The following DLG2 variants were observed in gnomAD, a reference collection of about 807,000 sequenced individuals.
DLG2 encodes the protein discs large MAGUK scaffold protein 2, also known as disks large homolog 2.
In DLG2, 45 loss-of-function variants were observed where a neutral mutation model predicts 132.5. The ratio of observed to expected loss-of-function variants is 0.34; its 90% CI spans 0.27 to 0.44. The LOEUF is 0.44. Among genes scored for constraint, DLG2 ranks in the 20% least tolerant of loss-of-function variants. DLG2 has a pLI of 1.00. For missense variants in DLG2, 1,045 were observed against 1,196.9 expected (o/e 0.87, Z 1.87); for synonymous variants, 424 against 419.6 (o/e 1.01, Z -0.13).
At chr11:83,459,953 T>G in intron 27 of DLG2, 29 bp from the exon 28 acceptor site, 1 of 1,263,262 alleles carries the variant, frequency 7.9e-7, no homozygotes, top group Non-Finnish European at 1.2e-6. Context: ...CACCCAGAAT[T>G]AGAAATAATT....
intron 8 of DLG2, among the ~76,000 whole-genome samples, chr11:84,166,500 C>CAAAAAAAAAAAAAAAAAAA (rs398016937): frequency 1.2e-5 from 1 of 81,010 alleles, no homozygotes; most frequent in African/African-American, 4.8e-5. Flanking sequence ...GACTCTGCTT[C>CAAAAAAAAAAAAAAAAAAA]AAAAAAAAAA....
intron 11 of DLG2, among the ~76,000 whole-genome samples, chr11:84,046,152 T>C (rs1478414874): frequency 6.6e-6 from 1 of 151,660 alleles, no homozygotes; most frequent in Non-Finnish European, 1.5e-5. Flanking sequence ...CTGTGACCAC[T>C]ATTTCCTTTG....
At chr11:84,445,152 C>A (rs562840621) in intron 7 of DLG2, among the ~76,000 whole-genome samples, 1 of 152,244 alleles carries the variant, frequency 6.6e-6, no homozygotes, top group Admixed American at 6.5e-5. Flanking sequence ...ATAGTAGTTA[C>A]ATTCCCCACC....
Position 83,456,119 on chromosome 11 carries a change from G to A in DLG2, c.*3699C>T, listed in dbSNP as rs1049559515. On this transcript the variant is annotated 3_prime_UTR_variant, in exon 28 of 28. Transcript: ENST00000376104. ...GCATGGCTTCAATGAGGAGGAAGAG[G>A]TTTGCTATCAGAATAATTGGGGCCA... 12 of 152,822 alleles carry A rather than the reference G, an allele frequency of 7.9e-5. No homozygotes were observed. The highest frequency in any genetic ancestry group is 2.9e-4 in the African/African-American group (12 of 41,576). 9.5% of individuals were successfully genotyped at this position (152,822 alleles called of 1,614,324 possible).
chr11:84,296,393 G>A (rs2098089106), intron 7 of DLG2, among the ~76,000 whole-genome samples: 1 of 152,132 alleles, frequency 6.6e-6, no homozygotes, highest in Non-Finnish European at 1.5e-5. Context: ...ACGTTTGGAG[G>A]AGTTGTTAAT....
At chr11:84,893,355 C>T (rs763370852) in intron 6 of DLG2, among the ~76,000 whole-genome samples, 13 of 152,136 alleles carry the variant, frequency 8.5e-5, no homozygotes, top group Admixed American at 2.6e-4. Flanking sequence ...ACCATCTCTG[C>T]GGGTGTGTGT....
At chr11:84,662,416 C>T (rs944231884) in intron 6 of DLG2, among the ~76,000 whole-genome samples, 2 of 151,324 alleles carry the variant, frequency 1.3e-5, no homozygotes, top group Admixed American at 6.6e-5. Flanking sequence ...CTCAGGTGAT[C>T]GGCCCACCTC....
chr11:83,690,130 A>G (rs929611152), intron 18 of DLG2, among the ~76,000 whole-genome samples: 2 of 150,052 alleles, frequency 1.3e-5, no homozygotes, highest in African/African-American at 4.9e-5. Flanking sequence ...ACATATAACA[A>G]AACAGAAATT....
chr11:84,909,538 A>G (rs1441922508), intron 6 of DLG2, among the ~76,000 whole-genome samples: 2 of 152,194 alleles, frequency 1.3e-5, no homozygotes, highest in African/African-American at 4.8e-5. Context: ...AGAAATTTCT[A>G]GCATGCAAAA....
intron 4 of DLG2, among the ~76,000 whole-genome samples, chr11:85,278,761 C>G (rs1364822272): frequency 6.6e-6 from 1 of 152,130 alleles, no homozygotes; most frequent in East Asian, 1.9e-4. Context: ...AGCTATGAAA[C>G]CATCTCTAGT....
chr11:84,162,425 T>C (rs2095567220), intron 9 of DLG2, among the ~76,000 whole-genome samples: 1 of 151,902 alleles, frequency 6.6e-6, no homozygotes, highest in African/African-American at 2.4e-5. Context: ...CTTCTATCCT[T>C]GCAATTACAT....
chr11:83,829,554 C>T (rs958406702), intron 17 of DLG2, among the ~76,000 whole-genome samples: 1 of 151,964 alleles, frequency 6.6e-6, no homozygotes, highest in Admixed American at 6.6e-5. Flanking sequence ...GTTGCTTGCC[C>T]CTGTATGTCC....
intron 3 of DLG2, among the ~76,000 whole-genome samples, chr11:85,302,494 C>T (rs1450019822): frequency 2.0e-5 from 3 of 152,100 alleles, no homozygotes; most frequent in African/African-American, 4.8e-5. Context: ...TACAGATAAG[C>T]TATCCCAGAC....
rs139910160 is a variant in DLG2, at chr11:85,044,797, G to C, written c.357+66864C>G. On this transcript the variant is annotated intron_variant, in intron 6 of 27. Coordinates refer to ENST00000376104, the MANE Select transcript of DLG2 (RefSeq NM_001142699.3). ...TCATATTCCAAATTCTCATTTCTCA[G>C]AATCTCTTCAAAAATAATTTAAAAG... Among the ~76,000 whole-genome samples, 17 of 152,064 alleles carry C rather than the reference G, an allele frequency of 1.1e-4. No homozygotes were observed. The East Asian group carries it at 2.9e-3, about 26-fold the overall frequency.
At chr11:84,029,097 G>A (rs554537753) in intron 11 of DLG2, among the ~76,000 whole-genome samples, 24 of 152,118 alleles carry the variant, frequency 1.6e-4, no homozygotes, top group Non-Finnish European at 2.9e-4. Flanking sequence ...GATTACTGCA[G>A]TATATTAGCA....
At chr11:85,114,776 A>G (rs1271741798) in intron 5 of DLG2, among the ~76,000 whole-genome samples, 2 of 152,024 alleles carry the variant, frequency 1.3e-5, no homozygotes, top group African/African-American at 4.8e-5. Flanking sequence ...AAAGTGACCT[A>G]GAGAACCCTA....
intron 7 of DLG2, among the ~76,000 whole-genome samples, chr11:84,528,935 A>T (rs1463002811): frequency 6.6e-6 from 1 of 152,214 alleles, no homozygotes; most frequent in African/African-American, 2.4e-5. Context: ...GCTCACTCGT[A>T]CTAGCTCATG....
At position 83,864,251 on chromosome 11, in the gene DLG2, T is replaced by C. The variant is rs557958464; in HGVS notation, c.1565+10169A>G. ...TCAAATCAGCTGCTTGTTCTTTTGT[T>C]CTGTAATTACAAAGATATAATCACA... On this transcript the variant is annotated intron_variant, in intron 16 of 27. Coordinates refer to ENST00000376104, the MANE Select transcript of DLG2 (RefSeq NM_001142699.3). 2.0e-5 allele frequency among the ~76,000 whole-genome samples: 3 copies of C among 152,314 alleles called. No homozygotes were observed. In the South Asian group the frequency reaches 6.2e-4, roughly 32 times the overall value.
At chr11:84,040,269 G>T (rs977307974) in intron 11 of DLG2, among the ~76,000 whole-genome samples, 4 of 151,912 alleles carry the variant, frequency 2.6e-5, no homozygotes, top group African/African-American at 9.7e-5. Flanking sequence ...CATTGCTTTT[G>T]GTGTTTTGGA....
Sources: gnomAD v4.1 joint callset for allele counts (sites outside exome capture counted in the v4.1 genomes callset) on GRCh38, gnomAD v4.1.1 for gene constraint, MANE v1.5 for transcripts, NCBI Gene and HGNC (gene_info 2026-07-23, HGNC 2026-07-21) for gene names.